The following NTN1 variants were observed in gnomAD, a reference collection of about 807,000 sequenced individuals.
NTN1 encodes netrin 1, also known as netrin-1.
In NTN1, 11 loss-of-function variants were observed where a neutral mutation model predicts 54.2. That is an observed-to-expected ratio of 0.20 (90% CI 0.13 to 0.34). NTN1 has a LOEUF of 0.34. Among genes scored for constraint, NTN1 ranks in the 10% least tolerant of loss-of-function variants. The pLI is 1.00. For missense variants in NTN1, 740 were observed against 893.1 expected (o/e 0.83, Z 2.18); for synonymous variants, 371 against 382.0 (o/e 0.97, Z 0.33).
At chr17:9,011,076 A>C in the NTN1 span, among the ~76,000 whole-genome samples, 1 of 152,102 alleles carries the variant, frequency 6.6e-6, no homozygotes, top group Admixed American at 6.5e-5. Context: ...TGCAGTTCTC[A>C]ACAGCATTCT....
chr17:9,191,298 T>TA (rs1279919988), intron 5 of NTN1, among the ~76,000 whole-genome samples: 2 of 152,104 alleles, frequency 1.3e-5, no homozygotes, highest in African/African-American at 4.8e-5. Context: ...CCGTCACTAC[T>TA]AAAAATACAA....
At chr17:9,158,281 C>T (rs568752318) in intron 2 of NTN1, among the ~76,000 whole-genome samples, 4 of 152,302 alleles carry the variant, frequency 2.6e-5, no homozygotes, top group Non-Finnish European at 4.4e-5. Flanking sequence ...TACCAGCCCC[C>T]AGCTTCCTCC....
intron 2 of NTN1, among the ~76,000 whole-genome samples, chr17:9,050,561 T>G (rs2091957164): frequency 6.7e-6 from 1 of 149,566 alleles, no homozygotes; most frequent in African/African-American, 2.5e-5. Flanking sequence ...TCCCAGCCAC[T>G]CGGGAGGCTG....
chr17:9,031,966 CA>C (rs1377007360), intron 2 of NTN1, among the ~76,000 whole-genome samples: 4 of 144,898 alleles, frequency 2.8e-5, no homozygotes, highest in Admixed American at 6.8e-5. Context: ...CAAAAACAAA[CA>C]AAAAAAGAAG....
At position 9,241,772 on chromosome 17, in the gene NTN1, C is replaced by A. The variant is rs560155749; in HGVS notation, c.*1804C>A. On this transcript the variant is annotated 3_prime_UTR_variant, in exon 7 of 7. Coordinates refer to ENST00000173229, the MANE Select transcript of NTN1 (RefSeq NM_004822.3). The stretch of plus-strand genomic sequence containing the variant: ...TGGGACAGGGACTCATTATCACCAG[C>A]AAGGAGACTGGAGTACACGTGCCCA... The A allele has an allele frequency of 6.6e-6, 1 of 152,260 alleles. No homozygotes were observed. Among genetic ancestry groups the A allele is most frequent in the South Asian group, 2.1e-4 (1 of 4,830 alleles). The allele number at this position is 152,260 out of a possible 1,614,324, so 9.4% of individuals were successfully genotyped here. A position where few individuals can be genotyped will look rare whatever the true frequency, so the allele number is the denominator to read the frequency against.
chr17:9,162,919 C>A lies in NTN1; in HGVS notation c.1125C>A (p.Thr375=). 1.2e-6 allele frequency: 2 copies of A among 1,611,432 alleles called. No homozygotes were observed. The highest frequency in any genetic ancestry group is 1.7e-6 in the Non-Finnish European group (2 of 1,179,204). ...GGVCLNCRHN[T]AGRHCHYCKE... is the part of the protein sequence containing the mutation. ...TCTGCCTCAACTGTCGCCACAACAC[C>A]GCCGGCCGCCACTGCCATTACTGCA... is the stretch of plus-strand genomic sequence containing the variant. Residue 375 remains threonine, a synonymous_variant, in exon 3 of 7, where the codon ACC becomes ACA. Coordinates refer to ENST00000173229, the MANE Select transcript of NTN1 (RefSeq NM_004822.3).
chr17:9,088,377 C>T (rs1220951690), intron 2 of NTN1, among the ~76,000 whole-genome samples: 1 of 152,194 alleles, frequency 6.6e-6, no homozygotes, highest in African/African-American at 2.4e-5. Context: ...TTATTACCAG[C>T]TCACTGGGTA....
chr17:9,024,085 T>G (rs763782947), intron 2 of NTN1, among the ~76,000 whole-genome samples: 3 of 152,268 alleles, frequency 2.0e-5, no homozygotes, highest in Non-Finnish European at 4.4e-5. Flanking sequence ...CAGATTTTTT[T>G]TATTAGCTTC....
chr17:9,038,303 C>T (rs1333451396), intron 2 of NTN1, among the ~76,000 whole-genome samples: 2 of 107,110 alleles, frequency 1.9e-5, no homozygotes, highest in African/African-American at 7.6e-5. Context: ...TTATCCTCCC[C>T]TACTAACTCC....
At chr17:9,015,846 G>A in the NTN1 span, among the ~76,000 whole-genome samples, 14 of 152,066 alleles carry the variant, frequency 9.2e-5, no homozygotes, top group South Asian at 1.7e-3. Flanking sequence ...CAAGGCGGGC[G>A]AATCACCTGA....
chr17:9,071,260 A>G (rs1172261708), intron 2 of NTN1, among the ~76,000 whole-genome samples: 1 of 148,794 alleles, frequency 6.7e-6, no homozygotes, highest in African/African-American at 2.4e-5. Context: ...TGATAACCTC[A>G]GACAGAGTGA....
At chr17:9,100,223 A>T (rs2092145522) in intron 2 of NTN1, among the ~76,000 whole-genome samples, 3 of 152,122 alleles carry the variant, frequency 2.0e-5, no homozygotes, top group Admixed American at 6.6e-5. Context: ...TAATTTTTGT[A>T]TAATTTTGCA....
At chr17:9,037,247 C>A (rs1289178216) in intron 2 of NTN1, among the ~76,000 whole-genome samples, 2 of 152,174 alleles carry the variant, frequency 1.3e-5, no homozygotes, top group African/African-American at 2.4e-5. Context: ...TTTTGCTCAG[C>A]CTTATTTCCT....
At chr17:9,183,046 G>T in intron 5 of NTN1, 77 bp downstream of exon 5, 1 of 1,454,804 alleles carries the variant, frequency 6.9e-7, no homozygotes. Flanking sequence ...TGGGGAAGGG[G>T]CATTGGAAAG....
chr17:9,003,996 G>A, the NTN1 span, among the ~76,000 whole-genome samples: 3 of 152,202 alleles, frequency 2.0e-5, no homozygotes, highest in Non-Finnish European at 2.9e-5. The surrounding 1 kb of genome is among the most constrained non-coding windows in gnomAD (Gnocchi z 7.4). Context: ...CCTTCGACGG[G>A]AAAGTCGGGC....
At chr17:9,095,885 T>C (rs9903790) in intron 2 of NTN1, among the ~76,000 whole-genome samples, 109,419 of 151,796 alleles carry the variant, frequency 0.72, 39,907 homozygotes, top group East Asian at 0.96. Flanking sequence ...CTGCAACCTC[T>C]GCCTCCCGGG....
Position 9,239,741 on chromosome 17 carries a change from C to T in NTN1, c.1588C>T (p.Arg530Cys). 1.2e-6 allele frequency: 2 copies of T among 1,613,788 alleles called. No individual in the cohort carries two copies. The highest frequency in any genetic ancestry group is 1.1e-5 in the South Asian group (1 of 91,084). Residue 530 changes from arginine (R) to cysteine (C), a missense_variant, in exon 7 of 7, where the codon CGC (arginine) becomes TGC (cysteine). Transcript: ENST00000173229. This position sits in a 1 kb window ranked among gnomAD's most constrained non-coding sequence, Gnocchi z 5.2. The stretch of plus-strand genomic sequence containing the variant: ...TAAGCAGGGCACGAGCCGCATCCGC[C>T]GCGGTGACCAGAGCCTGTGGATCCG... Reference protein sequence around the residue: ...VYKQGTSRIRRGDQSLWIRSR... With the variant: ...VYKQGTSRIRCGDQSLWIRSR...
chr17:9,050,504 T>C (rs2091957028), intron 2 of NTN1, among the ~76,000 whole-genome samples: 1 of 151,136 alleles, frequency 6.6e-6, no homozygotes, highest in African/African-American at 2.4e-5. Flanking sequence ...ACCCCATCTC[T>C]ACTAAAAATA....
In NTN1 at chr17:9,135,671, T is replaced by C. The variant is rs2092278656; in HGVS notation, c.1019-27142T>C. 6.6e-6 allele frequency among the ~76,000 whole-genome samples: 1 copy of C among 152,224 alleles called. No homozygotes were observed. Among genetic ancestry groups the C allele is most frequent in the Non-Finnish European group, 1.5e-5 (1 of 68,042 alleles). On this transcript the variant is annotated intron_variant, in intron 2 of 6. Transcript: ENST00000173229. The surrounding 1 kb of genome is among the most constrained non-coding windows in gnomAD (Gnocchi z 4.4). ...TTTTCTGTAGAGACTGGACTCTTACTTCTTCTAAGCTGTTGTCTCATCTCC... is the reference window on the plus strand; with the variant it reads ...TTTTCTGTAGAGACTGGACTCTTACCTCTTCTAAGCTGTTGTCTCATCTCC...
Sources: allele counts gnomAD v4.1 joint callset (sites outside exome capture counted in the v4.1 genomes callset), GRCh38; gene constraint gnomAD v4.1.1; non-coding constraint Gnocchi (gnomAD v3.1); transcripts MANE v1.5; gene names NCBI Gene and HGNC (gene_info 2026-07-23, HGNC 2026-07-21).